STOX1: variants seen among roughly 807,000 people sequenced by gnomAD.
STOX1 encodes storkhead box 1.
In STOX1, 57 loss-of-function variants were observed where a neutral mutation model predicts 74.8. The ratio of observed to expected loss-of-function variants is 0.76; its 90% confidence interval spans 0.62 to 0.95. The LOEUF is 0.95. Among genes scored for constraint, STOX1 ranks in the 40% least tolerant of loss-of-function variants. STOX1 has a pLI of 0.00. For missense variants in STOX1, 1,010 were observed against 1,117.0 expected (o/e 0.90, Z 1.37); for synonymous variants, 375 against 401.3 (o/e 0.93, Z 0.78).
intron 1 of STOX1, among the ~76,000 whole-genome samples, chr10:68,842,832 C>A (rs973354741): frequency 6.6e-6 from 1 of 152,050 alleles, no homozygotes; most frequent in African/African-American, 2.4e-5. Context: ...AGCCACTGCG[C>A]CTGGCCGGCT....
chr10:68,885,895 T>C lies in STOX1; in HGVS notation c.2099T>C (p.Val700Ala). The C allele has an allele frequency of 9.3e-6, 15 of 1,614,146 alleles. No individual in the cohort carries two copies. The highest frequency in any genetic ancestry group is 1.3e-5 in the Non-Finnish European group (15 of 1,180,034). ...DSEELLRKGFVQDAETTSLEN... is the reference protein window; with the variant it reads ...DSEELLRKGFAQDAETTSLEN... Reference sequence around the variant, plus strand: ...GAAGAATTATTGAGAAAAGGATTTGTCCAGGATGCAGAGACTACAAGCCTA... The same window carrying C: ...GAAGAATTATTGAGAAAAGGATTTGCCCAGGATGCAGAGACTACAAGCCTA... The change falls in exon 3 of 4, where the codon GTC (valine) becomes GCC (alanine). Residue 700 changes from valine to alanine, a missense_variant. By Grantham distance (64) the Val-to-Ala change is moderately conservative. Coordinates refer to ENST00000298596, the MANE Select transcript of STOX1 (RefSeq NM_152709.5).
At position 68,892,824 on chromosome 10, in the gene STOX1, G is replaced by C; in HGVS notation, c.*88G>C. On this transcript the variant is annotated 3_prime_UTR_variant, in exon 4 of 4. Transcript: ENST00000298596. Reference sequence around the variant, plus strand: ...AATCATGTAAGAATTGAGTATATAAGAATTGTCTAAAGGCAAGCATATCTA... The same window carrying C: ...AATCATGTAAGAATTGAGTATATAACAATTGTCTAAAGGCAAGCATATCTA... The C allele has an allele frequency of 7.0e-7, 1 of 1,427,290 alleles. No homozygotes were observed. Among genetic ancestry groups the C allele is most frequent in the Non-Finnish European group, 9.7e-7 (1 of 1,029,000 alleles). The allele number at this position is 1,427,290 out of a possible 1,614,324, so 88.4% of individuals were successfully genotyped here.
At chr10:68,884,019 A>G (rs1039355499) in intron 2 of STOX1, among the ~76,000 whole-genome samples, 2 of 151,734 alleles carry the variant, frequency 1.3e-5, no homozygotes, top group African/African-American at 4.8e-5. Flanking sequence ...AAGTCTTGCT[A>G]TGTTGCCTAG....
chr10:68,871,865 G>T (rs1413453972), intron 1 of STOX1, among the ~76,000 whole-genome samples: 1 of 152,144 alleles, frequency 6.6e-6, no homozygotes, highest in Admixed American at 6.5e-5. Context: ...TTAATGAGGG[G>T]CATGTTGTTA....
At chr10:68,880,164 CTTTTTTTT>C (rs71028800) in intron 1 of STOX1, among the ~76,000 whole-genome samples, 1 of 124,416 alleles carries the variant, frequency 8.0e-6, no homozygotes, top group Admixed American at 8.6e-5. Flanking sequence ...TCTTTCTTTC[CTTTTTTTT>C]TTTTTTTTTT....
In STOX1 at chr10:68,884,860, GA is replaced by G. The variant is rs771961940; in HGVS notation, c.1065del (p.Asp356MetfsTer6). ...GAAGATGACTTGGACAATATCCCTCGAGATGTTGAACATGAGATAATCAAAC... is the reference window on the plus strand; with the variant it reads ...GAAGATGACTTGGACAATATCCCTCGGATGTTGAACATGAGATAATCAAAC... Reference protein sequence around the residue: ...RDEDDLDNIPRDVEHEIIKRI... With the variant: ...RDEDDLDNIPXDVEHEIIKRI... On this transcript the variant is annotated frameshift_variant, in exon 3 of 4. Transcript: ENST00000298596. LOFTEE classifies it high-confidence loss of function. 9.9e-6 allele frequency: 16 copies of G among 1,613,858 alleles called. No individual in the cohort carries two copies. The highest frequency in any genetic ancestry group is 1.1e-5 in the Non-Finnish European group (13 of 1,179,970).
At chr10:68,873,095 G>T (rs1346480714) in intron 1 of STOX1, among the ~76,000 whole-genome samples, 2 of 151,772 alleles carry the variant, frequency 1.3e-5, no homozygotes, top group East Asian at 3.9e-4. Context: ...CTGCAGCCTT[G>T]AACTCCTAGG....
chr10:68,858,334 G>GT (rs1840178087), intron 1 of STOX1, among the ~76,000 whole-genome samples: 1 of 152,042 alleles, frequency 6.6e-6, no homozygotes, highest in South Asian at 2.1e-4. Flanking sequence ...TTTACATTTG[G>GT]TTTCTAAGGC....
At chr10:68,864,312 T>A (rs1840347152) in intron 1 of STOX1, among the ~76,000 whole-genome samples, 1 of 152,240 alleles carries the variant, frequency 6.6e-6, no homozygotes, top group Non-Finnish European at 1.5e-5. Context: ...ACTAGACCTA[T>A]CTGTGAAGAC....
intron 1 of STOX1, among the ~76,000 whole-genome samples, chr10:68,866,415 G>A (rs561050982): frequency 2.4e-4 from 36 of 152,220 alleles, no homozygotes; most frequent in Middle Eastern, 3.4e-3. Flanking sequence ...ATGTTTATCC[G>A]TAATTTGATT....
intron 1 of STOX1, among the ~76,000 whole-genome samples, chr10:68,852,056 C>T (rs1200671172): frequency 6.6e-6 from 1 of 151,948 alleles, no homozygotes; most frequent in African/African-American, 2.4e-5. Flanking sequence ...AACGCTTGAA[C>T]CTGGGATGTG....
At chr10:68,878,876 T>C (rs1030051840) in intron 1 of STOX1, among the ~76,000 whole-genome samples, 6 of 152,218 alleles carry the variant, frequency 3.9e-5, no homozygotes, top group African/African-American at 1.4e-4. Context: ...CTGGCTATAC[T>C]TGACTCCCCA....
chr10:68,835,911 G>A (rs1374575465), intron 1 of STOX1, among the ~76,000 whole-genome samples: 1 of 152,002 alleles, frequency 6.6e-6, no homozygotes, highest in Non-Finnish European at 1.5e-5. Flanking sequence ...TCGCTCTGTC[G>A]CCCAGGCTGG....
At chr10:68,894,065 C>CT (rs757109078), downstream of STOX1, among the ~76,000 whole-genome samples, 7,610 of 143,162 alleles carry the variant, frequency 0.053, 213 homozygotes, top group Admixed American at 0.076. Flanking sequence ...CTTTTCTTTT[C>CT]TTTTTTTTTT....
intron 1 of STOX1, among the ~76,000 whole-genome samples, chr10:68,840,142 A>G (rs193281210): frequency 2.0e-4 from 30 of 152,306 alleles, no homozygotes; most frequent in Admixed American, 1.8e-3. Flanking sequence ...ATGCAAAGGA[A>G]TGAAATTCTA....
chr10:68,861,842 CCAAAGA>C (rs1840275318), intron 1 of STOX1, among the ~76,000 whole-genome samples: 3 of 152,094 alleles, frequency 2.0e-5, no homozygotes, highest in Admixed American at 6.5e-5. Flanking sequence ...TTTGCAATAT[CCAAAGA>C]CAAAGTTTGT....
intron 3 of STOX1, among the ~76,000 whole-genome samples, chr10:68,892,168 T>C (rs1841113633): frequency 6.6e-6 from 1 of 152,150 alleles, no homozygotes; most frequent in African/African-American, 2.4e-5. Flanking sequence ...TAATATAGCT[T>C]GTTCCTTCTA....
chr10:68,881,338 A>T (rs1301619116), intron 1 of STOX1, among the ~76,000 whole-genome samples: 1 of 152,192 alleles, frequency 6.6e-6, no homozygotes, highest in Non-Finnish European at 1.5e-5. Context: ...GGATAACTCT[A>T]TCCATGCCCT....
chr10:68,888,667 C>G (rs552883783), intron 3 of STOX1, among the ~76,000 whole-genome samples: 10 of 129,310 alleles, frequency 7.7e-5, no homozygotes, highest in African/African-American at 3.1e-4. Context: ...CAGTGATTGA[C>G]TCTGTCACCC....
Sources: allele counts gnomAD v4.1 joint callset (sites outside exome capture counted in the v4.1 genomes callset), GRCh38; gene constraint gnomAD v4.1.1; transcripts MANE v1.5; gene names NCBI Gene and HGNC (gene_info 2026-07-23, HGNC 2026-07-21).